Variants in ZNF385D observed in about 807,000 individuals in gnomAD.
ZNF385D encodes zinc finger protein 385D.
ZNF385D carries 15 observed loss-of-function variants against 35.8 expected under a neutral mutation model. That is an observed-to-expected ratio of 0.42 (90% confidence interval 0.28 to 0.64). The LOEUF (loss-of-function observed/expected upper bound fraction) is 0.64, where lower values mean the gene tolerates loss of function less well. ZNF385D is among the 30% of genes least tolerant of loss of function. The pLI, the probability that ZNF385D is intolerant of heterozygous loss-of-function variation, is 0.23. For synonymous variants in ZNF385D, 212 were observed against 186.8 expected (o/e 1.13, Z -1.10); for missense variants, 474 against 494.6 (o/e 0.96, Z 0.39).
Position 21,863,812 on chromosome 3 carries a change from G to A in ZNF385D, c.326-198784C>T, listed in dbSNP as rs540710440. Among the ~76,000 whole-genome samples, 4 of 152,266 alleles carry A rather than the reference G, an allele frequency of 2.6e-5. No homozygotes were observed. The South Asian group carries it at 6.2e-4, about 24-fold the overall frequency. On this transcript the variant is annotated intron_variant, in intron 3 of 5. Transcript: ENST00000494108. ...AAGAAAGAAAACTAACTCTATTAGTGTATCTGTGCATGCAGAGGGAAGTGG... is the reference window on the plus strand; with the variant it reads ...AAGAAAGAAAACTAACTCTATTAGTATATCTGTGCATGCAGAGGGAAGTGG...
rs190334416 is a variant in ZNF385D, at chr3:21,818,235, C to T, written c.326-153207G>A. ...TAGGAGAAATACCTAATGTAAATGACGAATTAATGGGTGCATCACACCAAC... is the reference window on the plus strand; with the variant it reads ...TAGGAGAAATACCTAATGTAAATGATGAATTAATGGGTGCATCACACCAAC... On this transcript the variant is annotated intron_variant, in intron 3 of 5. Coordinates refer to the ZNF385D transcript ENST00000494108. Among the ~76,000 whole-genome samples, 40 of 152,194 alleles carry T rather than the reference C, an allele frequency of 2.6e-4. 1 individual carries two copies. Among genetic ancestry groups the T allele is most frequent in the African/African-American group, 8.7e-4 (36 of 41,526 alleles).
intron 3 of ZNF385D, among the ~76,000 whole-genome samples, chr3:22,074,689 A>T (rs1700382281): frequency 1.3e-5 from 2 of 151,978 alleles, no homozygotes; most frequent in Admixed American, 1.3e-4. Flanking sequence ...ATGAGGGGTC[A>T]TTTGATAACC....
chr3:21,637,841 A>C (rs527289686), intron 2 of ZNF385D, among the ~76,000 whole-genome samples: 33 of 152,202 alleles, frequency 2.2e-4, no homozygotes, highest in Admixed American at 7.9e-4. Flanking sequence ...GTTAAAGGAG[A>C]AATTAAATTT....
chr3:21,441,594 G>T, intron 4 of ZNF385D: 1 of 669,686 alleles, frequency 1.5e-6, no homozygotes, highest in Non-Finnish European at 1.8e-6. Context: ...AGTCAATTAC[G>T]TATATCCAAA....
At position 22,195,946 on chromosome 3, in the gene ZNF385D, C is replaced by T. The variant is rs548734465; in HGVS notation, c.107-26911G>A. On this transcript the variant is annotated intron_variant, in intron 2 of 5. Coordinates refer to the ZNF385D transcript ENST00000494108. ...AACAGTAAACCAAATACTGCATGTT[C>T]TCATTTATAAGTGTGACCTAAATGA... Among the ~76,000 whole-genome samples, 31 of 152,096 alleles carry T rather than the reference C, an allele frequency of 2.0e-4. No homozygotes were observed. The South Asian group carries it at 6.4e-3, about 32-fold the overall frequency.
At chr3:21,909,665 G>A (rs1166513632) in intron 3 of ZNF385D, among the ~76,000 whole-genome samples, 1 of 152,000 alleles carries the variant, frequency 6.6e-6, no homozygotes, top group Non-Finnish European at 1.5e-5. Flanking sequence ...AGCAGGAATA[G>A]CATAGGCTTG....
chr3:22,161,269 A>G (rs958439750), intron 3 of ZNF385D, among the ~76,000 whole-genome samples: 1 of 152,094 alleles, frequency 6.6e-6, no homozygotes, highest in Non-Finnish European at 1.5e-5. Context: ...TGTACAAACA[A>G]TATTTCTTAT....
intron 3 of ZNF385D, among the ~76,000 whole-genome samples, chr3:21,806,825 C>G (rs947437365): frequency 2.2e-4 from 33 of 152,170 alleles, no homozygotes; most frequent in Admixed American, 3.9e-4. Flanking sequence ...GGAGAAGACT[C>G]TCAAAGAGTG....
chr3:21,495,236 T>A (rs1705741906), intron 4 of ZNF385D, among the ~76,000 whole-genome samples: 1 of 152,106 alleles, frequency 6.6e-6, no homozygotes, highest in Non-Finnish European at 1.5e-5. Context: ...ATTTTTTTTT[T>A]TTCCCACAAA....
At chr3:21,848,026 C>A (rs1414337645) in intron 3 of ZNF385D, among the ~76,000 whole-genome samples, 1 of 152,006 alleles carries the variant, frequency 6.6e-6, no homozygotes, top group Non-Finnish European at 1.5e-5. Context: ...ATTCTACTCC[C>A]TGCTTCTATA....
At chr3:21,835,397 T>C (rs978263813) in intron 3 of ZNF385D, among the ~76,000 whole-genome samples, 25 of 152,168 alleles carry the variant, frequency 1.6e-4, no homozygotes, top group East Asian at 5.8e-4. Context: ...AAAATTGTTA[T>C]GAGAACATAT....
chr3:21,812,166 T>A (rs1031569342), intron 3 of ZNF385D, among the ~76,000 whole-genome samples: 1 of 152,214 alleles, frequency 6.6e-6, no homozygotes, highest in East Asian at 1.9e-4. Flanking sequence ...TTTCCTCAAT[T>A]AAAAAAATAG....
chr3:22,049,756 G>A (rs997814031), intron 3 of ZNF385D, among the ~76,000 whole-genome samples: 1 of 152,094 alleles, frequency 6.6e-6, no homozygotes, highest in Non-Finnish European at 1.5e-5. Context: ...CCATTGAAAT[G>A]ATATATTTTT....
intron 2 of ZNF385D, among the ~76,000 whole-genome samples, chr3:21,635,844 A>G (rs1022893128): frequency 6.6e-6 from 1 of 152,128 alleles, no homozygotes; most frequent in Admixed American, 6.6e-5. Flanking sequence ...TTCACTTAGG[A>G]TAATAGTCTC....
intron 2 of ZNF385D, among the ~76,000 whole-genome samples, chr3:22,171,876 CAAAAAAAAAAA>C (rs370469654): frequency 3.0e-5 from 3 of 100,790 alleles, no homozygotes; most frequent in African/African-American, 3.8e-5. Context: ...GACTCGGTCT[CAAAAAAAAAAA>C]AAAAAAAAAA....
At chr3:21,972,464 G>C (rs893564177) in intron 3 of ZNF385D, among the ~76,000 whole-genome samples, 3 of 151,834 alleles carry the variant, frequency 2.0e-5, no homozygotes, top group African/African-American at 4.8e-5. Flanking sequence ...ATAGCCATAA[G>C]TGCCTATATA....
In ZNF385D at chr3:22,253,179, T is replaced by C. The variant is rs148082146; in HGVS notation, c.107-84144A>G. Among the ~76,000 whole-genome samples the C allele has an allele frequency of 4.3e-3, 653 of 151,952 alleles. 4 individuals are homozygous for C. Among genetic ancestry groups the C allele is most frequent in the African/African-American group, 0.014 (596 of 41,464 alleles). ...AGAGCACACACCAAACGAAATCACA[T>C]TGGAGGGTAGAAAAATACTAAGTTT... On this transcript the variant is annotated intron_variant, in intron 2 of 5. Transcript: ENST00000494108.
chr3:21,715,884 G>A (rs943758852), intron 1 of ZNF385D, among the ~76,000 whole-genome samples: 2 of 152,106 alleles, frequency 1.3e-5, no homozygotes, highest in Non-Finnish European at 2.9e-5. Flanking sequence ...TACATTTGGA[G>A]ATCTAATAGG....
At chr3:21,543,789 G>T (rs1575140508) in intron 3 of ZNF385D, among the ~76,000 whole-genome samples, 1 of 152,212 alleles carries the variant, frequency 6.6e-6, no homozygotes, top group East Asian at 1.9e-4. Context: ...CCCCAGCCCC[G>T]CAGCTATCGC....
Sources: allele counts gnomAD v4.1 joint callset (sites outside exome capture counted in the v4.1 genomes callset), GRCh38; gene constraint gnomAD v4.1.1; transcripts MANE v1.5; gene names NCBI Gene and HGNC (gene_info 2026-07-23, HGNC 2026-07-21).